RBFOX3: variants seen among roughly 807,000 people sequenced by gnomAD.
RBFOX3 encodes the protein RNA binding fox-1 homolog 3, also known as RNA binding protein fox-1 homolog 3.
RBFOX3 carries 17 observed loss-of-function variants against 48.7 expected under a neutral mutation model. The ratio of observed to expected loss-of-function variants is 0.35; its 90% CI spans 0.24 to 0.52. The LOEUF (loss-of-function observed/expected upper bound fraction) is 0.52. Among genes scored for constraint, RBFOX3 ranks in the 20% least tolerant of loss-of-function variants. RBFOX3 has a pLI of 0.94. For missense variants in RBFOX3, 382 were observed against 497.5 expected, an observed-to-expected ratio of 0.77 and a Z score of 2.21; for synonymous variants, 212 against 209.5, an observed-to-expected ratio of 1.01 and a Z score of -0.10.
intron 3 of RBFOX3, among the ~76,000 whole-genome samples, chr17:79,241,283 G>A (rs1039675046): frequency 1.3e-5 from 2 of 151,978 alleles, no homozygotes; most frequent in African/African-American, 4.8e-5. Flanking sequence ...CAATGTGCTG[G>A]GGCTACAGGT....
At chr17:79,518,377 C>G (rs988343829) in intron 1 of RBFOX3, among the ~76,000 whole-genome samples, 1 of 152,202 alleles carries the variant, frequency 6.6e-6, no homozygotes, top group South Asian at 2.1e-4. Flanking sequence ...TTGGGAGAAG[C>G]GGGCAGGCGG....
chr17:79,492,798 G>A (rs1410102266), intron 1 of RBFOX3, among the ~76,000 whole-genome samples: 1 of 152,262 alleles, frequency 6.6e-6, no homozygotes, highest in Non-Finnish European at 1.5e-5. Flanking sequence ...AACGCGAAGT[G>A]AGAAGACAGG....
chr17:79,255,804 G>A (rs1425770798), intron 3 of RBFOX3, among the ~76,000 whole-genome samples: 1 of 151,736 alleles, frequency 6.6e-6, no homozygotes, highest in Non-Finnish European at 1.5e-5. Flanking sequence ...TAGAGGGGCC[G>A]CAGATAGGAA....
intron 4 of RBFOX3, among the ~76,000 whole-genome samples, chr17:79,149,360 G>A (rs1300884639): frequency 1.3e-5 from 2 of 152,176 alleles, no homozygotes; most frequent in Non-Finnish European, 2.9e-5. Context: ...GCACGGGGGA[G>A]GACAAAGGGG....
intron 1 of RBFOX3, among the ~76,000 whole-genome samples, chr17:79,562,425 G>A (rs1397511868): frequency 6.6e-6 from 1 of 152,206 alleles, no homozygotes; most frequent in African/African-American, 2.4e-5. Context: ...TTCGCTGGAT[G>A]CTAGAGATTA....
chr17:79,346,522 G>C (rs1055702732), intron 2 of RBFOX3, among the ~76,000 whole-genome samples: 16 of 152,176 alleles, frequency 1.1e-4, no homozygotes, highest in Admixed American at 2.0e-4. Flanking sequence ...AATGAGCCCA[G>C]ATATGCGATA....
intron 5 of RBFOX3, among the ~76,000 whole-genome samples, chr17:79,109,164 GA>G: frequency 6.6e-6 from 1 of 152,298 alleles, no homozygotes; most frequent in South Asian, 2.1e-4. Context: ...CCAAGAGGTG[GA>G]AAATGGTCAT....
intron 4 of RBFOX3, among the ~76,000 whole-genome samples, chr17:79,178,354 C>T (rs1211901425): frequency 6.6e-6 from 1 of 152,198 alleles, no homozygotes; most frequent in Non-Finnish European, 1.5e-5. Flanking sequence ...GAGCTTAAGC[C>T]TCAAGAAGCC....
At chr17:79,146,698 G>A (rs931884576) in intron 4 of RBFOX3, among the ~76,000 whole-genome samples, 4 of 152,200 alleles carry the variant, frequency 2.6e-5, no homozygotes, top group Non-Finnish European at 5.9e-5. Flanking sequence ...CTGGAGCAGA[G>A]CTGGTGCCTG....
upstream of RBFOX3, among the ~76,000 whole-genome samples, chr17:79,613,371 G>C (rs1005761985): frequency 2.0e-5 from 3 of 152,250 alleles, no homozygotes; most frequent in Non-Finnish European, 4.4e-5. Context: ...CAGAGAGTTT[G>C]CCCTTCGTGC....
At chr17:79,165,181 C>G (rs2047751061) in intron 4 of RBFOX3, among the ~76,000 whole-genome samples, 1 of 152,154 alleles carries the variant, frequency 6.6e-6, no homozygotes, top group African/African-American at 2.4e-5. Context: ...GCACAGCCCT[C>G]TGGGCTGGCT....
intron 9 of RBFOX3, chr17:79,098,909 GT>G (rs2146369980): frequency 6.6e-6 from 1 of 152,464 alleles, no homozygotes; most frequent in Non-Finnish European, 1.5e-5. Flanking sequence ...CCCAGGCCAT[GT>G]GTGAACCCCT....
chr17:79,144,554 T>C (rs1050772655), intron 4 of RBFOX3, among the ~76,000 whole-genome samples: 1 of 151,700 alleles, frequency 6.6e-6, no homozygotes, highest in African/African-American at 2.4e-5. Context: ...GTGAGAGGAG[T>C]TGGTGGGTGG....
At chr17:79,636,693 A>G in the RBFOX3 span, among the ~76,000 whole-genome samples, 3 of 151,208 alleles carry the variant, frequency 2.0e-5, no homozygotes, top group Admixed American at 2.0e-4. Flanking sequence ...AAAAGGAATC[A>G]AAGTATGCCA....
At chr17:79,166,927 A>G (rs1251815544) in intron 4 of RBFOX3, among the ~76,000 whole-genome samples, 1 of 152,206 alleles carries the variant, frequency 6.6e-6, no homozygotes, top group Non-Finnish European at 1.5e-5. Context: ...ATTACACCTC[A>G]ATAAAGCTGT....
chr17:79,468,866 G>A (rs1338397682), intron 2 of RBFOX3, among the ~76,000 whole-genome samples: 1 of 151,592 alleles, frequency 6.6e-6, no homozygotes, highest in Non-Finnish European at 1.5e-5. Flanking sequence ...CAGATAGGCA[G>A]GCAGATAGAC....
At chr17:79,445,760 C>T (rs183774627) in intron 2 of RBFOX3, among the ~76,000 whole-genome samples, 1 of 152,338 alleles carries the variant, frequency 6.6e-6, no homozygotes, top group East Asian at 1.9e-4. Flanking sequence ...CTGGGTGTTG[C>T]CCTGTTTTAT....
At chr17:79,580,926 A>T (rs2093037110) in intron 1 of RBFOX3, among the ~76,000 whole-genome samples, 1 of 152,178 alleles carries the variant, frequency 6.6e-6, no homozygotes, top group Non-Finnish European at 1.5e-5. Context: ...TGTCTCAATG[A>T]CACTAACCCA....
intron 2 of RBFOX3, among the ~76,000 whole-genome samples, chr17:79,325,511 T>C (rs897767638): frequency 6.6e-6 from 1 of 152,112 alleles, no homozygotes; most frequent in Admixed American, 6.5e-5. Context: ...CAATCCTCCA[T>C]GTGGGAGACC....
Sources: gnomAD v4.1 joint callset for allele counts (sites outside exome capture counted in the v4.1 genomes callset) on GRCh38, gnomAD v4.1.1 for gene constraint, MANE v1.5 for transcripts, NCBI Gene and HGNC (gene_info 2026-07-23, HGNC 2026-07-21) for gene names.